The following PPP1R9A variants were observed in gnomAD, a reference collection of about 807,000 sequenced individuals.
PPP1R9A encodes the protein neurabin-1.
PPP1R9A carries 59 observed loss-of-function variants against 141.9 expected under a neutral mutation model. The observed-to-expected ratio is 0.42, with a 90% CI of 0.34 to 0.52. The LOEUF (loss-of-function observed/expected upper bound fraction) is 0.52, where lower values mean the gene tolerates loss of function less well. Among genes scored for constraint, PPP1R9A ranks in the 20% least tolerant of loss-of-function variants. The pLI, the probability that PPP1R9A is intolerant of heterozygous loss-of-function variation, is 0.10. For missense variants in PPP1R9A, 1,444 were observed against 1,611.9 expected, an observed-to-expected ratio of 0.90 and a Z score of 1.78; for synonymous variants, 500 against 569.7, an observed-to-expected ratio of 0.88 and a Z score of 1.74.
At chr7:95,072,849 A>G (rs1446635329) in intron 2 of PPP1R9A, among the ~76,000 whole-genome samples, 9 of 108,218 alleles carry the variant, frequency 8.3e-5, no homozygotes, top group Non-Finnish European at 1.2e-4. Context: ...TATTATATAT[A>G]ATATAAGTTA....
At chr7:95,063,507 G>A (rs1176981997) in intron 2 of PPP1R9A, among the ~76,000 whole-genome samples, 1 of 152,156 alleles carries the variant, frequency 6.6e-6, no homozygotes, top group African/African-American at 2.4e-5. Flanking sequence ...CAAGTCTGCA[G>A]TGAGCTGTGA....
chr7:95,227,321 G>A (rs923514701), intron 8 of PPP1R9A, among the ~76,000 whole-genome samples: 1 of 152,166 alleles, frequency 6.6e-6, no homozygotes, highest in Non-Finnish European at 1.5e-5. Flanking sequence ...CTAGTCTTTG[G>A]TAGATAATTG....
intron 2 of PPP1R9A, among the ~76,000 whole-genome samples, chr7:95,075,823 C>T (rs1222575481): frequency 6.6e-6 from 1 of 151,260 alleles, no homozygotes; most frequent in Non-Finnish European, 1.5e-5. Context: ...GGCGACAGAG[C>T]GAGACTCCAT....
chr7:95,082,836 A>G (rs1816090441), intron 2 of PPP1R9A, among the ~76,000 whole-genome samples: 1 of 145,778 alleles, frequency 6.9e-6, no homozygotes, highest in African/African-American at 2.6e-5. Context: ...GCTCACTGCA[A>G]GCTCCACCTC....
intron 2 of PPP1R9A, among the ~76,000 whole-genome samples, chr7:95,033,043 C>T (rs1013503325): frequency 1.6e-4 from 25 of 151,760 alleles, no homozygotes; most frequent in African/African-American, 3.6e-4. Flanking sequence ...CTTGCTCTGT[C>T]GCCTGGGCTG....
At chr7:94,930,465 G>A (rs533429778) in intron 2 of PPP1R9A, among the ~76,000 whole-genome samples, 2 of 152,238 alleles carry the variant, frequency 1.3e-5, no homozygotes, top group South Asian at 4.1e-4. Context: ...AGCCTCCCAA[G>A]TAGCTGGCAT....
rs114803610 is a variant in PPP1R9A, at chr7:95,202,880, G to T, written c.1891-785G>T. 8.6e-3 allele frequency among the ~76,000 whole-genome samples: 1,314 copies of T among 152,052 alleles called. 16 individuals are homozygous for T. The highest frequency in any genetic ancestry group is 0.03 in the African/African-American group (1,261 of 41,528). On this transcript the variant is annotated intron_variant, in intron 6 of 19. Coordinates refer to ENST00000433360, the MANE Select transcript of PPP1R9A (RefSeq NM_001166160.2). ...ATTCCATTTTTGAGTTAGAAAATAG[G>T]TATGGTCATTGAAATTAAAATAAAG...
intron 2 of PPP1R9A, among the ~76,000 whole-genome samples, chr7:94,990,625 A>T (rs1046954482): frequency 6.6e-6 from 1 of 152,116 alleles, no homozygotes; most frequent in African/African-American, 2.4e-5. Context: ...ATTTTACAAT[A>T]CTATAGAACA....
At chr7:95,113,477 ATCCTAATAT>A (rs1163728927) in intron 3 of PPP1R9A, among the ~76,000 whole-genome samples, 1 of 152,246 alleles carries the variant, frequency 6.6e-6, no homozygotes, top group African/African-American at 2.4e-5. Context: ...CTGGGAAAAA[ATCCTAATAT>A]TCAAAGATAA....
chr7:95,226,970 T>A (rs1226014576), intron 8 of PPP1R9A, among the ~76,000 whole-genome samples: 3 of 152,190 alleles, frequency 2.0e-5, no homozygotes, highest in African/African-American at 7.2e-5. Context: ...CCTCCATCAT[T>A]GAAGAGAAAT....
chr7:94,943,777 A>G (rs1795590056), intron 2 of PPP1R9A, among the ~76,000 whole-genome samples: 1 of 152,162 alleles, frequency 6.6e-6, no homozygotes. Context: ...CCTCATTTCT[A>G]TGCATGGAAA....
intron 2 of PPP1R9A, among the ~76,000 whole-genome samples, chr7:95,048,699 C>A (rs868394807): frequency 1.3e-5 from 2 of 151,862 alleles, no homozygotes; most frequent in African/African-American, 4.8e-5. Context: ...CCTGCCACCA[C>A]GCCGAGCTAA....
At chr7:94,962,962 A>G (rs974147745) in intron 2 of PPP1R9A, among the ~76,000 whole-genome samples, 3 of 152,106 alleles carry the variant, frequency 2.0e-5, no homozygotes, top group Non-Finnish European at 2.9e-5. Context: ...CTGTTCATAC[A>G]TGCTTTATCA....
chr7:95,128,408 T>C (rs1823957053), intron 4 of PPP1R9A, among the ~76,000 whole-genome samples: 2 of 152,244 alleles, frequency 1.3e-5, no homozygotes, highest in African/African-American at 4.8e-5. Context: ...AGATTCTGGG[T>C]ATTCGACTTT....
intron 4 of PPP1R9A, among the ~76,000 whole-genome samples, chr7:95,121,459 G>GTCTATCTA (rs35336740): frequency 0.024 from 1,189 of 50,332 alleles, 10 homozygotes; most frequent in Admixed American, 0.044. Flanking sequence ...CTGTCTGTCT[G>GTCTATCTA]TCTATCTATC....
chr7:95,096,159 C>T (rs1367013869), intron 2 of PPP1R9A, among the ~76,000 whole-genome samples: 1 of 152,118 alleles, frequency 6.6e-6, no homozygotes, highest in Non-Finnish European at 1.5e-5. Flanking sequence ...TGTGGAAATA[C>T]AGGATTTTAG....
At chr7:95,237,351 A>C (rs1011392380) in intron 8 of PPP1R9A, among the ~76,000 whole-genome samples, 6 of 151,656 alleles carry the variant, frequency 4.0e-5, no homozygotes, top group South Asian at 4.2e-4. Flanking sequence ...ATGCGCCACC[A>C]CACCCAGCTA....
chr7:95,089,155 C>T (rs1563220530), intron 2 of PPP1R9A, among the ~76,000 whole-genome samples: 1 of 151,880 alleles, frequency 6.6e-6, no homozygotes, highest in Non-Finnish European at 1.5e-5. Flanking sequence ...ATATAGAAAA[C>T]CAAAATATGA....
intron 2 of PPP1R9A, among the ~76,000 whole-genome samples, chr7:95,084,795 G>T (rs1816381326): frequency 6.6e-6 from 1 of 151,948 alleles, no homozygotes; most frequent in Admixed American, 6.6e-5. Context: ...TGTATGAATA[G>T]TACAGAATTT....
Sources: allele counts gnomAD v4.1 joint callset (sites outside exome capture counted in the v4.1 genomes callset), GRCh38; gene constraint gnomAD v4.1.1; transcripts MANE v1.5; gene names NCBI Gene and HGNC (gene_info 2026-07-23, HGNC 2026-07-21).